The following ASIC2 variants were observed in gnomAD, a reference collection of about 807,000 sequenced individuals.
The protein encoded by ASIC2 is acid-sensing ion channel 2.
Under a neutral mutation model 57.3 loss-of-function variants are expected in ASIC2, and 25 were observed. The ratio of observed to expected loss-of-function variants is 0.44; its 90% CI spans 0.32 to 0.61. ASIC2 has a LOEUF of 0.61. ASIC2 is among the 20% of genes least tolerant of loss of function. The pLI, the probability that ASIC2 is intolerant of heterozygous loss-of-function variation, is 0.06. For synonymous variants in ASIC2, 319 were observed against 307.5 expected (o/e 1.04, Z -0.39); for missense variants, 641 against 738.1 (o/e 0.87, Z 1.52).
At chr17:33,170,538 A>G (rs1032072524) in intron 1 of ASIC2, among the ~76,000 whole-genome samples, 1 of 152,208 alleles carries the variant, frequency 6.6e-6, no homozygotes, top group Non-Finnish European at 1.5e-5. Context: ...ATGGCCCTGT[A>G]TCTGCAGCAT....
intron 1 of ASIC2, among the ~76,000 whole-genome samples, chr17:33,167,709 T>C (rs777471919): frequency 1.3e-5 from 2 of 152,216 alleles, no homozygotes; most frequent in Non-Finnish European, 2.9e-5. Context: ...CTATGAGCCA[T>C]GCTCAGCAAA....
chr17:34,154,232 CG>C (rs1345690231), intron 1 of ASIC2, among the ~76,000 whole-genome samples: 4 of 152,256 alleles, frequency 2.6e-5, no homozygotes, highest in African/African-American at 9.6e-5. Context: ...CTAGAAAGAA[CG>C]GGGTGGAATA....
In ASIC2 at chr17:33,087,575, G is replaced by GTTTTTTTTTTTTTTTTTTTT. The variant is rs5820015; in HGVS notation, c.987+1268_987+1287dup. 3.2e-4 allele frequency among the ~76,000 whole-genome samples: 36 copies of GTTTTTTTTTTTTTTTTTTTT among 111,040 alleles called. 3 individuals are homozygous for GTTTTTTTTTTTTTTTTTTTT. Among genetic ancestry groups the GTTTTTTTTTTTTTTTTTTTT allele is most frequent in the African/African-American group, 1.2e-3 (34 of 27,716 alleles). The allele number at this position is 111,040 out of a possible 152,430, so 72.8% of individuals were successfully genotyped here. A position where few individuals can be genotyped will look rare whatever the true frequency, so the allele number is the denominator to read the frequency against. On this transcript the variant is annotated intron_variant, in intron 3 of 9. Transcript: ENST00000225823. ...GCTCACGTATAGATTTACAACCAGT[G>GTTTTTTTTTTTTTTTTTTTT]TTTTTTTTTTTTTTTTTTTTGAGAC...
chr17:33,225,763 GC>G (rs1203834184), intron 1 of ASIC2, among the ~76,000 whole-genome samples: 5 of 152,194 alleles, frequency 3.3e-5, no homozygotes, highest in South Asian at 2.1e-4. Context: ...GGCAACACTG[GC>G]CATAGTCTTT....
intron 1 of ASIC2, among the ~76,000 whole-genome samples, chr17:34,113,244 G>T (rs1467828531): frequency 6.6e-6 from 1 of 152,130 alleles, no homozygotes; most frequent in East Asian, 1.9e-4. Context: ...GGTGGAGAGA[G>T]AATATTATTG....
chr17:33,655,052 C>T (rs1021926612), intron 1 of ASIC2, among the ~76,000 whole-genome samples: 13 of 152,124 alleles, frequency 8.5e-5, no homozygotes, highest in Admixed American at 6.5e-4. Flanking sequence ...TCTCTCAATC[C>T]CCCACTAGAT....
chr17:33,992,444 C>A (rs908476302), intron 1 of ASIC2, among the ~76,000 whole-genome samples: 1 of 152,170 alleles, frequency 6.6e-6, no homozygotes, highest in Non-Finnish European at 1.5e-5. Context: ...CCCTGCCAGG[C>A]TGAATTTACT....
intron 1 of ASIC2, among the ~76,000 whole-genome samples, chr17:33,828,758 C>T (rs992133075): frequency 6.6e-6 from 1 of 152,104 alleles, no homozygotes; most frequent in African/African-American, 2.4e-5. Flanking sequence ...TTGCCCACGC[C>T]CATAATGTAG....
intron 1 of ASIC2, among the ~76,000 whole-genome samples, chr17:33,425,456 G>A (rs188013577): frequency 5.3e-5 from 8 of 152,334 alleles, no homozygotes; most frequent in Admixed American, 4.6e-4. Flanking sequence ...TTGTTAAAAT[G>A]TGTGCAAAAA....
chr17:34,038,351 T>TA (rs1344587108), intron 1 of ASIC2: 2 of 1,610,658 alleles, frequency 1.2e-6, no homozygotes, highest in African/African-American at 2.7e-5. Flanking sequence ...AAAGTAATCA[T>TA]ACAGCTTAAC....
At chr17:33,738,712 T>C (rs2142096114) in intron 1 of ASIC2, among the ~76,000 whole-genome samples, 1 of 152,292 alleles carries the variant, frequency 6.6e-6, no homozygotes. Context: ...TGGGGACGTA[T>C]AGGCAGATCC....
At chr17:33,617,880 C>T (rs1245075690) in intron 1 of ASIC2, among the ~76,000 whole-genome samples, 1 of 152,174 alleles carries the variant, frequency 6.6e-6, no homozygotes, top group Non-Finnish European at 1.5e-5. Flanking sequence ...GTCCCGATTG[C>T]TTCACAAGAT....
chr17:33,941,892 CT>C (rs1395322863), intron 1 of ASIC2, among the ~76,000 whole-genome samples: 4 of 152,170 alleles, frequency 2.6e-5, no homozygotes, highest in Admixed American at 2.0e-4. Flanking sequence ...CAGAGAAAGG[CT>C]GTTTGGCTGC....
intron 3 of ASIC2, among the ~76,000 whole-genome samples, chr17:33,088,384 G>C (rs951462124): frequency 6.6e-6 from 1 of 152,094 alleles, no homozygotes. Context: ...CCTCCCCAGC[G>C]CTATATCAAA....
intron 1 of ASIC2, among the ~76,000 whole-genome samples, chr17:33,586,043 G>A (rs1244542602): frequency 6.6e-6 from 1 of 152,164 alleles, no homozygotes; most frequent in African/African-American, 2.4e-5. Context: ...GCAGAAGGGG[G>A]CACTCAGCCA....
chr17:33,730,373 G>A (rs1909704959), intron 1 of ASIC2, among the ~76,000 whole-genome samples: 1 of 152,174 alleles, frequency 6.6e-6, no homozygotes, highest in Admixed American at 6.5e-5. Context: ...AGGACTAATT[G>A]CGGGAGGAGA....
At chr17:33,224,652 C>T (rs1907811575) in intron 1 of ASIC2, among the ~76,000 whole-genome samples, 1 of 152,172 alleles carries the variant, frequency 6.6e-6, no homozygotes, top group Non-Finnish European at 1.5e-5. Flanking sequence ...ATTCTCACTG[C>T]CATTCAATGA....
intron 1 of ASIC2, among the ~76,000 whole-genome samples, chr17:33,923,519 G>A (rs1189635160): frequency 5.3e-5 from 8 of 152,196 alleles, no homozygotes; most frequent in African/African-American, 1.4e-4. Flanking sequence ...ACAAATTGCT[G>A]AACTCAGAAT....
Position 33,576,285 on chromosome 17 carries a change from C to T in ASIC2, c.556-464218G>A, listed in dbSNP as rs555777671. On this transcript the variant is annotated intron_variant, in intron 1 of 9. Coordinates refer to the ASIC2 transcript ENST00000359872. Reference sequence around the variant, plus strand: ...AAAAGAGCACAGACTTCAGAGAGAACCCAGTTCAAATCCTGTTTCTAGCCA... The same window carrying T: ...AAAAGAGCACAGACTTCAGAGAGAATCCAGTTCAAATCCTGTTTCTAGCCA... Among the ~76,000 whole-genome samples the T allele has an allele frequency of 3.9e-5, 6 of 152,242 alleles. 1 individual carries two copies. Among genetic ancestry groups the T allele is most frequent in the African/African-American group, 1.4e-4 (6 of 41,542 alleles).
Sources: allele counts gnomAD v4.1 joint callset (sites outside exome capture counted in the v4.1 genomes callset), GRCh38; gene constraint gnomAD v4.1.1; transcripts MANE v1.5; gene names NCBI Gene and HGNC (gene_info 2026-07-23, HGNC 2026-07-21).